The following TACC1 variants were observed in gnomAD, a reference collection of about 807,000 sequenced individuals.
TACC1 encodes transforming acidic coiled-coil containing protein 1.
Under a neutral mutation model 84.4 loss-of-function variants are expected in TACC1, and 48 were observed. That is an observed-to-expected ratio of 0.57 (90% CI 0.45 to 0.72). The LOEUF (loss-of-function observed/expected upper bound fraction) is 0.72, where lower values mean the gene tolerates loss of function less well. Ranked by LOEUF, TACC1 falls within the 30% of genes least tolerant of loss-of-function variation. The pLI is 0.00. For synonymous variants in TACC1, 372 were observed against 376.3 expected (o/e 0.99, Z 0.13); for missense variants, 920 against 973.0 (o/e 0.95, Z 0.72).
intron 3 of TACC1, among the ~76,000 whole-genome samples, chr8:38,770,678 T>C (rs1813427632): frequency 6.6e-6 from 1 of 151,932 alleles, no homozygotes; most frequent in South Asian, 2.1e-4. Flanking sequence ...AATTAAAGTG[T>C]GGCGGGCTGG....
chr8:38,779,496 G>A (rs1258121343), intron 3 of TACC1, among the ~76,000 whole-genome samples: 3 of 152,216 alleles, frequency 2.0e-5, no homozygotes, highest in Non-Finnish European at 2.9e-5. Context: ...TGTCTTCAAA[G>A]CTGGCTGTTT....
rs202236973 is a variant in TACC1 at position 38,820,514 on chromosome 8, G to A, written c.1270G>A (p.Glu424Lys). Residue 424 changes from glutamate to lysine, a missense_variant, in exon 3 of 13, where the codon GAA becomes AAA. Coordinates refer to ENST00000317827, the MANE Select transcript of TACC1 (RefSeq NM_006283.3). The part of the protein sequence containing the change: ...SYHFDPDNFD[E>K]SMDPFKPTTT... ...CCACTTTGACCCAGATAACTTTGAC[G>A]AATCCATGGATCCCTTTAAACCAAC... is the stretch of plus-strand genomic sequence containing the variant. The A allele has an allele frequency of 2.3e-5, 37 of 1,614,158 alleles. No individual in the cohort carries two copies. Among genetic ancestry groups the A allele is most frequent in the East Asian group, 8.9e-5 (4 of 44,876 alleles).
intron 3 of TACC1, among the ~76,000 whole-genome samples, chr8:38,755,707 AAAC>A (rs71216684): frequency 0.09 from 12,636 of 140,800 alleles, 704 homozygotes; most frequent in East Asian, 0.29. Context: ...CGGTCTTTCA[AAAC>A]AACAACAACA....
chr8:38,793,094 T>A (rs1819136140), intron 2 of TACC1, among the ~76,000 whole-genome samples: 1 of 152,208 alleles, frequency 6.6e-6, no homozygotes, highest in Non-Finnish European at 1.5e-5. Flanking sequence ...TTAATTAGTG[T>A]AGAAGCTCTC....
intron 2 of TACC1, among the ~76,000 whole-genome samples, chr8:38,795,903 A>G (rs1819853818): frequency 6.6e-6 from 1 of 152,212 alleles, no homozygotes; most frequent in African/African-American, 2.4e-5. Context: ...AATAATAATA[A>G]TGGCATGGAG....
intron 3 of TACC1, chr8:38,757,277 A>G: frequency 8.2e-7 from 1 of 1,219,776 alleles, no homozygotes. Context: ...GGGTCTGGGC[A>G]CAGCCGCCCG....
At chr8:38,757,233 C>CCCCCCCACAA in intron 3 of TACC1, 1 of 516,056 alleles carries the variant, frequency 1.9e-6, no homozygotes, top group Non-Finnish European at 2.8e-6. Flanking sequence ...TCCCTCGCCC[C>CCCCCCCACAA]ACCCTTCCTC....
chr8:38,730,947 G>A (rs1419345604), intron 1 of TACC1, among the ~76,000 whole-genome samples: 3 of 152,000 alleles, frequency 2.0e-5, no homozygotes, highest in African/African-American at 7.2e-5. Context: ...TTAGATACAG[G>A]GTCTTGCTGT....
chr8:38,806,232 G>A (rs1192993742), intron 2 of TACC1, among the ~76,000 whole-genome samples: 1 of 152,102 alleles, frequency 6.6e-6, no homozygotes, highest in Non-Finnish European at 1.5e-5. Flanking sequence ...CTTCCATCCT[G>A]GCTCCATGCC....
chr8:38,787,423 C>T lies in TACC1; in HGVS notation c.-160C>T. ...CGCCGGCTGCCGGCGGGAGGAAGCG[C>T]TCCACCAGGGCCCCCGACGGCACTC... On this transcript the variant is annotated 5_prime_UTR_variant, in exon 1 of 13. Transcript: ENST00000317827. 1 of 1,351,580 alleles carries T rather than the reference C, an allele frequency of 7.4e-7. No homozygotes were observed. Among genetic ancestry groups the T allele is most frequent in the Non-Finnish European group, 9.5e-7 (1 of 1,057,930 alleles). 83.7% of individuals were successfully genotyped at this position (1,351,580 alleles called of 1,614,324 possible). A position where few individuals can be genotyped will look rare whatever the true frequency, so the allele number is the denominator to read the frequency against.
At chr8:38,794,080 A>T (rs1346186534) in intron 2 of TACC1, among the ~76,000 whole-genome samples, 1 of 152,180 alleles carries the variant, frequency 6.6e-6, no homozygotes, top group Non-Finnish European at 1.5e-5. Context: ...GGAGAGCCTG[A>T]TGTGGCCTGG....
rs16887780 is a variant in TACC1, at chr8:38,819,724, G to A, written c.480G>A (p.Thr160=). The change falls in exon 3 of 13, where the codon ACG becomes ACA. Residue 160 remains threonine, a synonymous_variant. Transcript: ENST00000317827. ...RPFSIETKDS[T]DISAVLGTKA... Reference sequence around the variant, plus strand: ...TTTCAATAGAAACGAAGGATTCCACGGATATCTCGGCAGTCCTCGGAACAA... The same window carrying A: ...TTTCAATAGAAACGAAGGATTCCACAGATATCTCGGCAGTCCTCGGAACAA... 1.7e-3 allele frequency: 2,730 copies of A among 1,614,116 alleles called. 48 individuals carry two copies. The African/African-American group carries it at 0.03, about 18-fold the overall frequency.
At chr8:38,838,596 G>T (rs1830658940) in intron 8 of TACC1, 50 bp downstream of exon 8, 1 of 1,418,254 alleles carries the variant, frequency 7.1e-7, no homozygotes. Context: ...TGCACTGTTA[G>T]ATTTGATACA....
rs1832640982 is a variant in TACC1, at chr8:38,848,049, A to G, written c.*26A>G. ...GACACTCCCCCTGTTAGCTCAACAGATCTGCATTTGGCTGCTTCTCTTGTG... is the reference window on the plus strand; with the variant it reads ...GACACTCCCCCTGTTAGCTCAACAGGTCTGCATTTGGCTGCTTCTCTTGTG... On this transcript the variant is annotated 3_prime_UTR_variant, in exon 13 of 13. Coordinates refer to ENST00000317827, the MANE Select transcript of TACC1 (RefSeq NM_006283.3). The G allele has an allele frequency of 5.0e-6, 8 of 1,604,618 alleles. No individual in the cohort carries two copies. In the South Asian group the frequency reaches 6.6e-5, roughly 13 times the overall value.
In TACC1 at chr8:38,819,971, A is replaced by T. The variant is rs1387023568; in HGVS notation, c.727A>T (p.Ile243Phe). 50 of 1,614,108 alleles carry T rather than the reference A, an allele frequency of 3.1e-5. No individual in the cohort carries two copies. The highest frequency in any genetic ancestry group is 4.0e-5 in the Non-Finnish European group (47 of 1,180,046). The change falls in exon 3 of 13, where the codon ATT becomes TTT. Residue 243 changes from isoleucine to phenylalanine, a missense_variant. By Grantham distance (21) the Ile-to-Phe change is conservative (BLOSUM62 0). Coordinates refer to ENST00000317827, the MANE Select transcript of TACC1 (RefSeq NM_006283.3). Reference sequence around the variant, plus strand: ...GCCTGTCCCCCTGAGGAAGAAAGCAATTGGAGGAGAGTTCTCAGACACCAA... The same window carrying T: ...GCCTGTCCCCCTGAGGAAGAAAGCATTTGGAGGAGAGTTCTCAGACACCAA... ...PKPVPLRKKA[I>F]GGEFSDTNAA...
At chr8:38,826,558 A>C (rs1391396711) in intron 4 of TACC1, among the ~76,000 whole-genome samples, 1 of 152,202 alleles carries the variant, frequency 6.6e-6, no homozygotes, top group East Asian at 1.9e-4. Context: ...CATTGGATAG[A>C]GACTTTTAAA....
intron 2 of TACC1, among the ~76,000 whole-genome samples, chr8:38,809,318 T>C (rs1823517706): frequency 6.6e-6 from 1 of 152,032 alleles, no homozygotes; most frequent in Non-Finnish European, 1.5e-5. Context: ...AGTGAGGAGA[T>C]GTGCCACGGC....
At chr8:38,767,857 G>T (rs1031535484) in intron 3 of TACC1, among the ~76,000 whole-genome samples, 2 of 152,152 alleles carry the variant, frequency 1.3e-5, no homozygotes, top group African/African-American at 4.8e-5. Flanking sequence ...TTGAGCCCAG[G>T]AGTTTGGGAC....
chr8:38,749,578 T>A (rs1241860795), intron 3 of TACC1, among the ~76,000 whole-genome samples: 1 of 152,036 alleles, frequency 6.6e-6, no homozygotes, highest in Non-Finnish European at 1.5e-5. Context: ...GCAAAGTTTT[T>A]TTTTGTTTGT....
Sources: gnomAD v4.1 joint callset for allele counts (sites outside exome capture counted in the v4.1 genomes callset) on GRCh38, gnomAD v4.1.1 for gene constraint, MANE v1.5 for transcripts, NCBI Gene and HGNC (gene_info 2026-07-23, HGNC 2026-07-21) for gene names.